Variants in MVK observed in about 807,000 individuals in gnomAD.
MVK encodes mevalonate kinase.
A neutral mutation model predicts 43.2 loss-of-function variants in MVK; 34 were observed. That is an observed-to-expected ratio of 0.79 (90% CI 0.60 to 1.05). The LOEUF (loss-of-function observed/expected upper bound fraction) is 1.05, where lower values mean the gene tolerates loss of function less well. Among genes scored for constraint, MVK ranks in the 50% least tolerant of loss-of-function variants. MVK has a pLI of 0.00. For synonymous variants in MVK, 190 were observed against 219.8 expected, an observed-to-expected ratio of 0.86 and a Z score of 1.20; for missense variants, 395 against 504.0, an observed-to-expected ratio of 0.78 and a Z score of 2.07.
chr12:109,592,449 G>A (rs750825387), intron 9 of MVK, among the ~76,000 whole-genome samples: 8 of 152,172 alleles, frequency 5.3e-5, no homozygotes, highest in East Asian at 1.9e-4. Context: ...AGGGGCGTGC[G>A]GTCTCCATGT....
intron 5 of MVK, among the ~76,000 whole-genome samples, chr12:109,584,899 T>C (rs1260482983): frequency 2.0e-5 from 3 of 151,918 alleles, no homozygotes; most frequent in African/African-American, 7.3e-5. Context: ...AAAACAAAAC[T>C]AGGCTGACTG....
chr12:109,576,463 A>T (rs535975982), intron 3 of MVK, among the ~76,000 whole-genome samples: 1 of 152,328 alleles, frequency 6.6e-6, no homozygotes, highest in South Asian at 2.1e-4. Flanking sequence ...GGGCATAGAC[A>T]TCAGATTGGC....
At chr12:109,580,226 C>T (rs888372757) in intron 4 of MVK, among the ~76,000 whole-genome samples, 2 of 152,148 alleles carry the variant, frequency 1.3e-5, no homozygotes, top group African/African-American at 4.8e-5. Flanking sequence ...CCTCAGCCTT[C>T]CAAGTAGCTG....
rs770255513 is a variant in MVK at position 109,596,910 on chromosome 12, G to A, written c.*333G>A. On this transcript the variant is annotated 3_prime_UTR_variant, in exon 11 of 11. Transcript: ENST00000228510. ...GCCTTGGCCTGTGTTCTTCCTGGCC[G>A]CCTGGGTCCAATGCTCAGGTGCTGG... 50 of 412,128 alleles carry A rather than the reference G, an allele frequency of 1.2e-4. No homozygotes were observed. The highest frequency in any genetic ancestry group is 2.0e-4 in the South Asian group (9 of 44,390). 25.5% of individuals were successfully genotyped at this position (412,128 alleles called of 1,614,324 possible).
chr12:109,593,456 C>T (rs918421037), intron 9 of MVK, among the ~76,000 whole-genome samples: 3 of 151,558 alleles, frequency 2.0e-5, no homozygotes, highest in African/African-American at 7.2e-5. Context: ...GAGCTTCACA[C>T]GGAAGTGAGG....
chr12:109,576,004 C>G lies in MVK; in HGVS notation c.85C>G (p.Leu29Val), dbSNP rs1451110792. The G allele has an allele frequency of 1.9e-6, 3 of 1,614,214 alleles. No individual in the cohort carries two copies. Among genetic ancestry groups the G allele is most frequent in the East Asian group, 4.5e-5 (2 of 44,884 alleles). ...TTTGTCATTTATTCTATAGGTAGCA[C>G]TGGCTGTATCCTTGAACTTGAGAAC... ...EHAVVHGKVA[L>V]AVSLNLRTFL... The change falls in exon 3 of 11, where the codon CTG (leucine) becomes GTG (valine). Residue 29 changes from leucine (L) to valine (V), a missense_variant. Coordinates refer to ENST00000228510, the MANE Select transcript of MVK (RefSeq NM_000431.4).
intron 7 of MVK, chr12:109,589,253 C>T (rs1885571284): frequency 6.6e-6 from 1 of 152,340 alleles, no homozygotes; most frequent in African/African-American, 2.4e-5. Flanking sequence ...CTGCAGAGGA[C>T]TTGTCTAAGA....
chr12:109,584,665 G>A (rs1175753318), intron 5 of MVK, among the ~76,000 whole-genome samples: 1 of 152,078 alleles, frequency 6.6e-6, no homozygotes, highest in African/African-American at 2.4e-5. Context: ...TAGGCAGATC[G>A]CTTCAGGTCA....
chr12:109,585,488 G>A (rs963842670), intron 5 of MVK, among the ~76,000 whole-genome samples: 14 of 152,122 alleles, frequency 9.2e-5, no homozygotes, highest in Non-Finnish European at 1.3e-4. Context: ...CACTCAGCTA[G>A]TAAGAGGCAA....
In MVK at chr12:109,596,859, C is replaced by T; in HGVS notation, c.*282C>T. On this transcript the variant is annotated 3_prime_UTR_variant, in exon 11 of 11. Coordinates refer to ENST00000228510, the MANE Select transcript of MVK (RefSeq NM_000431.4). ...AGAAGGGCTGCTTCCCTGAAGCTCCCACAGTCCCATCTGCTTCAGGCCCCC... is the reference window on the plus strand; with the variant it reads ...AGAAGGGCTGCTTCCCTGAAGCTCCTACAGTCCCATCTGCTTCAGGCCCCC... 2 of 528,626 alleles carry T rather than the reference C, an allele frequency of 3.8e-6. No homozygotes were observed. Among genetic ancestry groups the T allele is most frequent in the East Asian group, 6.9e-5 (2 of 29,086 alleles). The allele number at this position is 528,626 out of a possible 1,614,324, so 32.7% of individuals were successfully genotyped here. A position where few individuals can be genotyped will look rare whatever the true frequency, so the allele number is the denominator to read the frequency against.
intron 7 of MVK, chr12:109,588,194 G>C (rs894976592): frequency 6.6e-6 from 1 of 152,310 alleles, no homozygotes; most frequent in Non-Finnish European, 1.5e-5. Context: ...AGGAGCCCAC[G>C]GTCTGATGGG....
chr12:109,596,652 T>A lies in MVK; in HGVS notation c.*75T>A, dbSNP rs138924471. The A allele has an allele frequency of 4.4e-6, 7 of 1,573,296 alleles. No individual in the cohort carries two copies. In the South Asian group the frequency reaches 7.8e-5, roughly 18 times the overall value. On this transcript the variant is annotated 3_prime_UTR_variant, in exon 11 of 11. Transcript: ENST00000228510. ...TTCTGGGGGCTGCAGTTCGACTCTG[T>A]GCTGGCCAGCGAGCGCCCAGCTCCT...
At chr12:109,593,265 G>A (rs1443794816) in intron 9 of MVK, among the ~76,000 whole-genome samples, 1 of 152,244 alleles carries the variant, frequency 6.6e-6, no homozygotes, top group Non-Finnish European at 1.5e-5. Flanking sequence ...ATGCCTGTCT[G>A]CTCATTTGTC....
At chr12:109,581,672 A>C in intron 5 of MVK, 122 bp downstream of exon 5, 4 of 1,416,450 alleles carry the variant, frequency 2.8e-6, no homozygotes, top group Non-Finnish European at 3.9e-6. Flanking sequence ...CCATTTTAAC[A>C]TGAGGAAGCT....
chr12:109,591,348 C>T lies in MVK; in HGVS notation c.876C>T (p.Leu292=), dbSNP rs370301290. ...AAGCCCCAGCCCCGGAGCAGTACCT[C>T]GTGCTGGAAGTAAGAGCCTGTCTGC... ...MGEAPAPEQY[L]VLEELIDMNQ... The change falls in exon 9 of 11, where the codon CTC becomes CTT. Residue 292 remains leucine (L), a synonymous_variant. Coordinates refer to ENST00000228510, the MANE Select transcript of MVK (RefSeq NM_000431.4). 265 of 1,614,046 alleles carry T rather than the reference C, an allele frequency of 1.6e-4. 1 individual carries two copies. The highest frequency in any genetic ancestry group is 6.7e-4 in the South Asian group (61 of 91,078).
At chr12:109,594,211 C>T (rs1262747907) in intron 9 of MVK, among the ~76,000 whole-genome samples, 2 of 152,138 alleles carry the variant, frequency 1.3e-5, no homozygotes, top group South Asian at 2.1e-4. Context: ...AGCCCCAGCA[C>T]GTTGTGGGTG....
rs1178744284 is a variant in MVK at position 109,596,344 on chromosome 12, C to T, written c.1040-82C>T. On this transcript the variant is annotated intron_variant, in intron 10 of 10. Transcript: ENST00000228510. ...CAGCCAGGAAGGCACAGCAGGAAGG[C>T]CTGGGCTTTTGCCTTGAATATGATG... 7 of 1,544,342 alleles carry T rather than the reference C, an allele frequency of 4.5e-6. No homozygotes were observed. The East Asian group carries it at 1.5e-4, about 32-fold the overall frequency.
At chr12:109,596,298 C>A in intron 10 of MVK, 128 bp from the exon 11 acceptor site, 1 of 1,354,886 alleles carries the variant, frequency 7.4e-7, no homozygotes, top group Non-Finnish European at 1.0e-6. Context: ...GGCTTTATGG[C>A]CTGTTGGCTC....
intron 5 of MVK, among the ~76,000 whole-genome samples, chr12:109,582,749 G>C (rs1400893859): frequency 2.0e-5 from 3 of 151,158 alleles, no homozygotes; most frequent in African/African-American, 7.3e-5. Flanking sequence ...CATTTGTTGA[G>C]AGGGCCAGGC....
Sources: gnomAD v4.1 joint callset for allele counts (sites outside exome capture counted in the v4.1 genomes callset) on GRCh38, gnomAD v4.1.1 for gene constraint, MANE v1.5 for transcripts, NCBI Gene and HGNC (gene_info 2026-07-23, HGNC 2026-07-21) for gene names.